Variants in DENND3 observed in about 807,000 individuals in gnomAD.
DENND3 encodes DENN domain containing 3.
A neutral mutation model predicts 135.1 loss-of-function variants in DENND3; 88 were observed. The observed-to-expected ratio is 0.65, with a 90% confidence interval of 0.55 to 0.78. The LOEUF (loss-of-function observed/expected upper bound fraction) is 0.78. DENND3 is among the 30% of genes least tolerant of loss of function. DENND3 has a pLI of 0.00. For missense variants in DENND3, 1,392 were observed against 1,688.4 expected, an observed-to-expected ratio of 0.82 and a Z score of 3.08; for synonymous variants, 693 against 712.3, an observed-to-expected ratio of 0.97 and a Z score of 0.43.
rs758779333 is a variant in DENND3 at position 141,165,303 on chromosome 8, G to T, written c.1553+14G>T. The T allele has an allele frequency of 6.2e-7, 1 of 1,606,724 alleles. No homozygotes were observed. Among genetic ancestry groups the T allele is most frequent in the South Asian group, 1.1e-5 (1 of 90,926 alleles). Reference sequence around the variant, plus strand: ...GGAGGAGGACAGGTGCTTCACTGTTGTGTTTTGGATCTGCAGCTCTTTAGG... The same window carrying T: ...GGAGGAGGACAGGTGCTTCACTGTTTTGTTTTGGATCTGCAGCTCTTTAGG... On this transcript the variant is annotated intron_variant, in intron 11 of 22. Coordinates refer to ENST00000519811, the MANE Select transcript of DENND3 (RefSeq NM_001352890.3).
chr8:141,177,686 G>A (rs1234968929), intron 15 of DENND3: 1 of 170,356 alleles, frequency 5.9e-6, no homozygotes, highest in Non-Finnish European at 1.3e-5. Flanking sequence ...AAGCCCGTGG[G>A]CCAGTGGACT....
Position 141,176,599 on chromosome 8 carries a change from G to A in DENND3, c.2544G>A (p.Arg848=). 2.5e-6 allele frequency: 4 copies of A among 1,614,256 alleles called. No homozygotes were observed. The highest frequency in any genetic ancestry group is 1.1e-5 in the South Asian group (1 of 91,088). Residue 848 remains arginine, a synonymous_variant, in exon 15 of 23, where the codon AGG becomes AGA. Transcript: ENST00000519811. ...CTTTTCTGCCTCTGCAGGAGGTCAG[G>A]AGAACCACTACTACATTTCTACTTC... is the stretch of plus-strand genomic sequence containing the variant. ...ISTFRNIEEV[R]RTTTTFLLRR...
At chr8:141,145,825 A>T (rs1439938783) in intron 5 of DENND3, among the ~76,000 whole-genome samples, 4 of 37,214 alleles carry the variant, frequency 1.1e-4, no homozygotes, top group African/African-American at 5.4e-4. Context: ...ATATATATAT[A>T]TATATATATA....
rs191785815 is a variant in DENND3 at position 141,130,730 on chromosome 8, A to G, written c.102+1921A>G. ...GAGACAGAGTTTTGCTCTGTTGCCC[A>G]GGATGGAGTGCCATGGTGCAATCTC... On this transcript the variant is annotated intron_variant, in intron 1 of 22. Transcript: ENST00000519811. The surrounding 1 kb of genome is among the most constrained non-coding windows in gnomAD (Gnocchi z 4.2). Among the ~76,000 whole-genome samples, 208 of 150,682 alleles carry G rather than the reference A, an allele frequency of 1.4e-3. No homozygotes were observed. The highest frequency in any genetic ancestry group is 4.3e-3 in the African/African-American group (175 of 40,934).
At chr8:141,153,440 G>A (rs894936024) in intron 7 of DENND3, among the ~76,000 whole-genome samples, 10 of 152,212 alleles carry the variant, frequency 6.6e-5, no homozygotes, top group African/African-American at 1.2e-4. Context: ...AGAACACAGC[G>A]TGTGTCATGC....
intron 9 of DENND3, 144 bp downstream of exon 9, chr8:141,160,931 G>A (rs1401637219): frequency 9.2e-7 from 1 of 1,086,652 alleles, no homozygotes; most frequent in East Asian, 2.7e-5. Context: ...CCCTGCCAAA[G>A]CTTTTCTTGT....
At chr8:141,169,985 T>C (rs1471205516) in intron 13 of DENND3, among the ~76,000 whole-genome samples, 1 of 152,236 alleles carries the variant, frequency 6.6e-6, no homozygotes, top group Non-Finnish European at 1.5e-5. Flanking sequence ...TGCTTTGAGA[T>C]GTGAGAACCG....
intron 22 of DENND3, chr8:141,193,310 A>AC (rs141064269): frequency 0.18 from 27,429 of 153,474 alleles, 2,624 homozygotes; most frequent in African/African-American, 0.21. Flanking sequence ...TGCAAAATAC[A>AC]CCCCCTCCAT....
At chr8:141,178,421 C>T (rs973890432) in intron 16 of DENND3, among the ~76,000 whole-genome samples, 1 of 152,220 alleles carries the variant, frequency 6.6e-6, no homozygotes, top group Non-Finnish European at 1.5e-5. Context: ...TGAGGCACCT[C>T]GTCGTTTTAA....
rs751480551 is a variant in DENND3, at chr8:141,166,170, GTTGC to G, written c.1554-17_1554-14del. The G allele has an allele frequency of 6.2e-7, 1 of 1,612,100 alleles. No individual in the cohort carries two copies. Among genetic ancestry groups the G allele is most frequent in the South Asian group, 1.1e-5 (1 of 91,026 alleles). On this transcript the variant is annotated splice_polypyrimidine_tract_variant and intron_variant, in intron 11 of 22. Transcript: ENST00000519811. This position sits in a 1 kb window ranked among gnomAD's most constrained non-coding sequence, Gnocchi z 4.3. ...CATTATTGTGTCTATAAACTAACGC[GTTGC>G]TTTTTCGTACCCCAGAATAAATGGA...
At chr8:141,188,000 A>G (rs970491133) in intron 18 of DENND3, among the ~76,000 whole-genome samples, 1 of 150,670 alleles carries the variant, frequency 6.6e-6, no homozygotes, top group Non-Finnish European at 1.5e-5. Context: ...CAGCCTGGGC[A>G]ACGTGGGGAA....
chr8:141,165,444 T>C (rs1820652611), intron 11 of DENND3, among the ~76,000 whole-genome samples, 155 bp downstream of exon 11: 2 of 151,776 alleles, frequency 1.3e-5, no homozygotes, highest in Admixed American at 6.6e-5. Context: ...GAAGCTCTTC[T>C]CTCCATGTTT....
chr8:141,181,637 G>A (rs576206430), intron 17 of DENND3, among the ~76,000 whole-genome samples: 3 of 152,228 alleles, frequency 2.0e-5, no homozygotes, highest in Non-Finnish European at 2.9e-5. Context: ...CTGTCATGTC[G>A]CACGTTGAAA....
intron 10 of DENND3, among the ~76,000 whole-genome samples, chr8:141,164,807 C>G (rs1044511210): frequency 6.6e-6 from 1 of 152,238 alleles, no homozygotes; most frequent in African/African-American, 2.4e-5. Context: ...CAGCCACGAG[C>G]CTGCCTCTCG....
chr8:141,140,502 A>G (rs973656205), intron 3 of DENND3, among the ~76,000 whole-genome samples: 1 of 152,244 alleles, frequency 6.6e-6, no homozygotes, highest in Non-Finnish European at 1.5e-5. Context: ...GCCTGAGATG[A>G]CAGAGCAGGC....
At chr8:141,156,844 T>G (rs1042328899) in intron 8 of DENND3, among the ~76,000 whole-genome samples, 1 of 144,980 alleles carries the variant, frequency 6.9e-6, no homozygotes, top group African/African-American at 2.6e-5. Context: ...CAGGCTGGAG[T>G]GCAGTGGCGC....
intron 18 of DENND3, among the ~76,000 whole-genome samples, chr8:141,186,425 C>G (rs935417080): frequency 6.6e-6 from 1 of 152,234 alleles, no homozygotes; most frequent in East Asian, 1.9e-4. Flanking sequence ...CAAGCTTGTC[C>G]AACCTGTGGC....
chr8:141,151,624 G>C lies in DENND3; in HGVS notation c.861G>C (p.Leu287=), dbSNP rs1818811403. 1 of 1,613,466 alleles carries C rather than the reference G, an allele frequency of 6.2e-7. No homozygotes were observed. Among genetic ancestry groups the C allele is most frequent in the African/African-American group, 1.3e-5 (1 of 74,700 alleles). ...CFRPEKVLQI[L]TCILTEQRIV... ...GCGGCGGGTTCTCCCCTCAGATCCT[G>C]ACATGCATCCTGACGGAACAGCGGA... is the stretch of plus-strand genomic sequence containing the variant. The change falls in exon 7 of 23, where the codon CTG becomes CTC. Residue 287 remains leucine, a synonymous_variant. Transcript: ENST00000519811.
chr8:141,133,168 G>A (rs995395837), intron 1 of DENND3, among the ~76,000 whole-genome samples: 7 of 152,180 alleles, frequency 4.6e-5, no homozygotes, highest in African/African-American at 1.7e-4. Flanking sequence ...GTGGAGCAGC[G>A]AGGGGCTGGG....
Sources: allele counts gnomAD v4.1 joint callset (sites outside exome capture counted in the v4.1 genomes callset), GRCh38; gene constraint gnomAD v4.1.1; non-coding constraint Gnocchi (gnomAD v3.1); transcripts MANE v1.5; gene names NCBI Gene and HGNC (gene_info 2026-07-23, HGNC 2026-07-21).